PREP: variants seen among roughly 807,000 people sequenced by gnomAD.
The protein encoded by PREP is prolyl endopeptidase.
Under a neutral mutation model 87.6 loss-of-function variants are expected in PREP, and 29 were observed. The observed-to-expected ratio is 0.33, with a 90% confidence interval of 0.25 to 0.45. The LOEUF (loss-of-function observed/expected upper bound fraction) is 0.45. Ranked by LOEUF, PREP falls within the 20% of genes least tolerant of loss-of-function variation. PREP has a pLI of 1.00. For synonymous variants in PREP, 337 were observed against 328.6 expected (o/e 1.03, Z -0.28); for missense variants, 695 against 886.5 (o/e 0.78, Z 2.74).
At chr6:105,311,424 C>A (rs770479193) in intron 10 of PREP, among the ~76,000 whole-genome samples, 2 of 152,100 alleles carry the variant, frequency 1.3e-5, no homozygotes, top group Non-Finnish European at 2.9e-5. Flanking sequence ...TTTGCTTTAA[C>A]GTTCTGGGCC....
chr6:105,361,423 A>G (rs566866735), intron 6 of PREP, among the ~76,000 whole-genome samples: 2 of 152,298 alleles, frequency 1.3e-5, no homozygotes, highest in African/African-American at 4.8e-5. Flanking sequence ...CATGGCCATG[A>G]AATTTCTTTA....
intron 2 of PREP, among the ~76,000 whole-genome samples, chr6:105,384,546 C>T (rs1291761757): frequency 6.6e-6 from 1 of 152,204 alleles, no homozygotes; most frequent in Non-Finnish European, 1.5e-5. Context: ...TGTCTGTATT[C>T]TAACTATGCT....
intron 10 of PREP, among the ~76,000 whole-genome samples, chr6:105,313,593 C>T (rs1351908178): frequency 3.3e-5 from 5 of 152,198 alleles, no homozygotes; most frequent in Non-Finnish European, 5.9e-5. Flanking sequence ...TCTACCATCA[C>T]CTATTAGGGA....
intron 8 of PREP, among the ~76,000 whole-genome samples, chr6:105,332,928 G>A (rs535736546): frequency 8.0e-4 from 122 of 152,250 alleles, no homozygotes; most frequent in African/African-American, 2.8e-3. Context: ...CAGGGATAAT[G>A]CAAATAGCCA....
At chr6:105,313,457 C>T (rs887973554) in intron 10 of PREP, among the ~76,000 whole-genome samples, 75 of 152,278 alleles carry the variant, frequency 4.9e-4, no homozygotes, top group Non-Finnish European at 1.0e-3. Context: ...AATGTTGCCC[C>T]GGGGGTTTAA....
At chr6:105,322,842 G>T in intron 10 of PREP, 1 of 1,152,622 alleles carries the variant, frequency 8.7e-7, no homozygotes, top group Non-Finnish European at 1.1e-6. Flanking sequence ...CTAGACAATT[G>T]AAGGGTAATT....
chr6:105,328,431 T>C (rs1012727887), intron 9 of PREP, among the ~76,000 whole-genome samples: 5 of 152,126 alleles, frequency 3.3e-5, no homozygotes, highest in African/African-American at 1.2e-4. Context: ...CTAATTTTTG[T>C]ATTTTCAGTA....
intron 10 of PREP, among the ~76,000 whole-genome samples, chr6:105,320,431 C>T (rs986428505): frequency 1.3e-5 from 2 of 152,220 alleles, no homozygotes; most frequent in Non-Finnish European, 2.9e-5. Flanking sequence ...GATCCCTCAC[C>T]TTCCCAGTCG....
At chr6:105,373,222 A>G (rs926886811) in intron 5 of PREP, 147 bp downstream of exon 5, 14 of 874,034 alleles carry the variant, frequency 1.6e-5, no homozygotes, top group Non-Finnish European at 2.3e-5. Context: ...GGTCTATTAC[A>G]CAGCAAAGCC....
rs138522519 is a variant in PREP at position 105,401,488 on chromosome 6, G to A, written c.45+1359C>T. Among the ~76,000 whole-genome samples, 160 of 152,306 alleles carry A rather than the reference G, an allele frequency of 1.1e-3. 1 individual carries two copies. Among genetic ancestry groups the A allele is most frequent in the African/African-American group, 3.7e-3 (153 of 41,548 alleles). Reference sequence around the variant, plus strand: ...CATATGAGAAAAAAGGCCCATAACAGGTAAAAGAGCTGCTAAAAGTCACCT... The same window carrying A: ...CATATGAGAAAAAAGGCCCATAACAAGTAAAAGAGCTGCTAAAAGTCACCT... On this transcript the variant is annotated intron_variant, in intron 1 of 14. Transcript: ENST00000652536.
chr6:105,316,897 T>A (rs1461463558), intron 10 of PREP, among the ~76,000 whole-genome samples: 1 of 151,986 alleles, frequency 6.6e-6, no homozygotes, highest in Non-Finnish European at 1.5e-5. Flanking sequence ...TTACATGGTG[T>A]AGAAACTATA....
At position 105,343,920 on chromosome 6, in the gene PREP, G is replaced by C. The variant is rs1055912246; in HGVS notation, c.823+9052C>G. On this transcript the variant is annotated intron_variant, in intron 7 of 14. Coordinates refer to ENST00000652536, the MANE Select transcript of PREP (RefSeq NM_002726.5). ...AAATAGGAACACTTTTACACTGTTG[G>C]TGGGACTGTAAACTAGTTCAACCAT... 5.3e-5 allele frequency among the ~76,000 whole-genome samples: 8 copies of C among 152,316 alleles called. No individual in the cohort carries two copies. In the South Asian group the frequency reaches 1.2e-3, roughly 24 times the overall value.
intron 10 of PREP, among the ~76,000 whole-genome samples, chr6:105,305,839 C>T (rs914859897): frequency 2.7e-5 from 2 of 74,886 alleles, no homozygotes; most frequent in African/African-American, 4.7e-5. Context: ...CAGATATATC[C>T]TTTTCTTTTT....
At chr6:105,392,215 T>A (rs1773169941) in intron 2 of PREP, among the ~76,000 whole-genome samples, 1 of 151,948 alleles carries the variant, frequency 6.6e-6, no homozygotes, top group South Asian at 2.1e-4. Context: ...ATTTTATGTA[T>A]TTTTAGTACA....
chr6:105,370,176 C>T (rs1463466970), intron 5 of PREP, among the ~76,000 whole-genome samples: 5 of 150,948 alleles, frequency 3.3e-5, no homozygotes, highest in East Asian at 3.9e-4. Flanking sequence ...TGCTTGAACC[C>T]GGGACAGAAG....
intron 5 of PREP, among the ~76,000 whole-genome samples, chr6:105,370,401 G>C (rs1772504703): frequency 6.6e-6 from 1 of 151,976 alleles, no homozygotes; most frequent in African/African-American, 2.4e-5. Flanking sequence ...CCACGTTGTG[G>C]AACAAGAGGA....
intron 5 of PREP, among the ~76,000 whole-genome samples, chr6:105,370,058 C>A (rs1416119241): frequency 6.6e-6 from 1 of 151,972 alleles, no homozygotes; most frequent in Non-Finnish European, 1.5e-5. Context: ...TCGAGACCAG[C>A]CTGACCAACA....
At chr6:105,379,436 A>G (rs183145456) in intron 2 of PREP, among the ~76,000 whole-genome samples, 1 of 152,364 alleles carries the variant, frequency 6.6e-6, no homozygotes, top group Non-Finnish European at 1.5e-5. Context: ...CACCCAGGGG[A>G]GCATTTTGGA....
At chr6:105,344,400 G>A (rs950133693) in intron 7 of PREP, among the ~76,000 whole-genome samples, 2 of 151,888 alleles carry the variant, frequency 1.3e-5, no homozygotes, top group African/African-American at 4.8e-5. Flanking sequence ...GCTTAGGCAG[G>A]AGAATGGCGT....
Sources: allele counts gnomAD v4.1 joint callset (sites outside exome capture counted in the v4.1 genomes callset), GRCh38; gene constraint gnomAD v4.1.1; transcripts MANE v1.5; gene names NCBI Gene and HGNC (gene_info 2026-07-23, HGNC 2026-07-21).